Variants in HOMER1 observed in about 807,000 individuals in gnomAD.
The protein encoded by HOMER1 is homer scaffold protein 1.
In HOMER1, 3 loss-of-function variants were observed where a neutral mutation model predicts 48.9. The ratio of observed to expected loss-of-function variants is 0.06; its 90% CI spans 0.03 to 0.16. The LOEUF is 0.16. HOMER1 is among the 10% of genes least tolerant of loss of function. The probability of loss-of-function intolerance (pLI) is 1.00; values close to 1 mark genes in which losing one functional copy is unlikely to be tolerated. For missense variants in HOMER1, 247 were observed against 411.4 expected (o/e 0.60, Z 3.46); for synonymous variants, 134 against 146.4 (o/e 0.92, Z 0.61).
At chr5:79,463,228 T>C (rs1172463518) in intron 1 of HOMER1, among the ~76,000 whole-genome samples, 1 of 152,222 alleles carries the variant, frequency 6.6e-6, no homozygotes. Flanking sequence ...AGGATAATCA[T>C]GGCAATCCCA....
At position 79,384,928 on chromosome 5, in the gene HOMER1, T is replaced by A. The variant is rs1431048042; in HGVS notation, c.877-8731A>T. On this transcript the variant is annotated intron_variant, in intron 8 of 8. Coordinates refer to ENST00000334082, the MANE Select transcript of HOMER1 (RefSeq NM_004272.5). ...CAATAGATGCAGAAAAAACATTTGATAAAATTCAACATCGCTTCATGATAA... is the reference window on the plus strand; with the variant it reads ...CAATAGATGCAGAAAAAACATTTGAAAAAATTCAACATCGCTTCATGATAA... Among the ~76,000 whole-genome samples, 5 of 152,008 alleles carry A rather than the reference T, an allele frequency of 3.3e-5. No individual in the cohort carries two copies. In the East Asian group the frequency reaches 9.6e-4, roughly 29 times the overall value.
chr5:79,485,648 T>C lies in HOMER1; in HGVS notation c.5+27122A>G, dbSNP rs545318507. The stretch of plus-strand genomic sequence containing the variant: ...CCATGGACTTTAAAAAATTACAAAC[T>C]GTGGTAAGTGTTACCAAGGAAAATG... On this transcript the variant is annotated intron_variant, in intron 1 of 8. Transcript: ENST00000334082. Among the ~76,000 whole-genome samples, 4 of 152,310 alleles carry C rather than the reference T, an allele frequency of 2.6e-5. No homozygotes were observed. In the South Asian group the frequency reaches 8.3e-4, roughly 32 times the overall value.
At chr5:79,418,296 G>A (rs991440580) in intron 5 of HOMER1, among the ~76,000 whole-genome samples, 1 of 152,134 alleles carries the variant, frequency 6.6e-6, no homozygotes, top group South Asian at 2.1e-4. Flanking sequence ...TACTGATTGC[G>A]CAGCTATTAT....
intron 5 of HOMER1, among the ~76,000 whole-genome samples, chr5:79,423,846 CACG>C (rs944330556): frequency 1.4e-4 from 21 of 152,208 alleles, no homozygotes; most frequent in African/African-American, 5.1e-4. Context: ...AGACTGTGAA[CACG>C]ACTAGTGGCA....
intron 1 of HOMER1, among the ~76,000 whole-genome samples, chr5:79,463,820 G>A (rs1225718567): frequency 6.6e-6 from 1 of 152,168 alleles, no homozygotes; most frequent in East Asian, 1.9e-4. Context: ...TGGGTGGGAA[G>A]AGGAAGAAAT....
rs1442717758 is a variant in HOMER1 at position 79,438,859 on chromosome 5, G to C, written c.527+151C>G. The stretch of plus-strand genomic sequence containing the variant: ...TAAAAAGTTTGTGTATTTCATTTCT[G>C]AGGTTAACAGAAGCAGTAAAAAAAA... On this transcript the variant is annotated intron_variant, in intron 5 of 8. Transcript: ENST00000334082. 4.9e-6 allele frequency: 3 copies of C among 611,556 alleles called. No homozygotes were observed. The African/African-American group carries it at 5.8e-5, about 12-fold the overall frequency. The allele number at this position is 611,556 out of a possible 1,614,324, so 37.9% of individuals were successfully genotyped here. A position where few individuals can be genotyped will look rare whatever the true frequency, so the allele number is the denominator to read the frequency against.
At chr5:79,419,484 C>T (rs4568345) in intron 5 of HOMER1, among the ~76,000 whole-genome samples, 77,343 of 151,442 alleles carry the variant, frequency 0.51, 24,256 homozygotes, top group African/African-American at 0.87. Flanking sequence ...GAACTGCTTA[C>T]GTAAAAGTTT....
intron 1 of HOMER1, among the ~76,000 whole-genome samples, chr5:79,490,701 G>C (rs1013532251): frequency 5.3e-5 from 8 of 151,444 alleles, no homozygotes; most frequent in African/African-American, 1.9e-4. Flanking sequence ...GAAAGCCAAG[G>C]TGGAGGGATC....
At position 79,421,104 on chromosome 5, in the gene HOMER1, T is replaced by C. The variant is rs868631235; in HGVS notation, c.527+17906A>G. On this transcript the variant is annotated intron_variant, in intron 5 of 8. Coordinates refer to ENST00000334082, the MANE Select transcript of HOMER1 (RefSeq NM_004272.5). ...TTCAGTCACTGGTTTACAATAGAAC[T>C]ACTTTTGAGCTCTTTATTTTCAAAT... Among the ~76,000 whole-genome samples, 8 of 152,348 alleles carry C rather than the reference T, an allele frequency of 5.3e-5. No homozygotes were observed. In the Middle Eastern group the frequency reaches 0.017, roughly 324 times the overall value.
At chr5:79,508,140 A>C (rs1212509654) in intron 1 of HOMER1, among the ~76,000 whole-genome samples, 2 of 152,194 alleles carry the variant, frequency 1.3e-5, no homozygotes, top group Non-Finnish European at 2.9e-5. Flanking sequence ...TTCTTATTCT[A>C]CTTCCCTGAT....
chr5:79,427,700 C>T (rs1282749361), intron 5 of HOMER1, among the ~76,000 whole-genome samples: 8 of 106,806 alleles, frequency 7.5e-5, no homozygotes, highest in African/African-American at 2.7e-4. Flanking sequence ...CCTTCCTTTC[C>T]TTCCTTCCTT....
chr5:79,509,211 G>A (rs914625564), intron 1 of HOMER1, among the ~76,000 whole-genome samples: 16 of 152,148 alleles, frequency 1.1e-4, no homozygotes, highest in African/African-American at 3.6e-4. Context: ...GGGAAGGAAG[G>A]ACTCCAGAAG....
chr5:79,500,957 C>CTGTGTGTG (rs1561389056), intron 1 of HOMER1, among the ~76,000 whole-genome samples: 2 of 62,642 alleles, frequency 3.2e-5, no homozygotes, highest in East Asian at 2.4e-3. Flanking sequence ...GTGTGTGAGA[C>CTGTGTGTG]AGACAGACAC....
chr5:79,441,849 ATG>A, intron 4 of HOMER1, among the ~76,000 whole-genome samples: 1 of 152,134 alleles, frequency 6.6e-6, no homozygotes, highest in Non-Finnish European at 1.5e-5. Context: ...AATTTTGCAT[ATG>A]CTAAAAATAG....
chr5:79,457,413 A>G (rs1222196138), intron 1 of HOMER1, among the ~76,000 whole-genome samples: 2 of 152,084 alleles, frequency 1.3e-5, no homozygotes, highest in Non-Finnish European at 1.5e-5. Context: ...CTCATACTAC[A>G]TTTACAAGTG....
chr5:79,490,287 ATTTT>A (rs529266756), intron 1 of HOMER1, among the ~76,000 whole-genome samples: 2 of 152,012 alleles, frequency 1.3e-5, no homozygotes, highest in African/African-American at 4.8e-5. Flanking sequence ...TCTTTTATTT[ATTTT>A]TTTTATTAAC....
intron 5 of HOMER1, among the ~76,000 whole-genome samples, chr5:79,411,867 C>T (rs6453447): frequency 0.038 from 5,791 of 152,242 alleles, 360 homozygotes; most frequent in African/African-American, 0.13. Flanking sequence ...GCCTGTAATC[C>T]CAGCACTTTG....
chr5:79,430,422 T>C (rs1489480301), intron 5 of HOMER1, among the ~76,000 whole-genome samples: 3 of 152,212 alleles, frequency 2.0e-5, no homozygotes, highest in Admixed American at 2.0e-4. Context: ...TATCTGCTAG[T>C]GGGAATGCAA....
intron 8 of HOMER1, 134 bp from the exon 9 acceptor site, chr5:79,376,331 G>A: frequency 1.6e-6 from 1 of 645,054 alleles, no homozygotes; most frequent in East Asian, 2.8e-5. Context: ...TCTTAATTTA[G>A]CACAATTTAA....
Sources: allele counts gnomAD v4.1 joint callset (sites outside exome capture counted in the v4.1 genomes callset), GRCh38; gene constraint gnomAD v4.1.1; transcripts MANE v1.5; gene names NCBI Gene and HGNC (gene_info 2026-07-23, HGNC 2026-07-21).